The following ZFYVE9 variants were observed in gnomAD, a reference collection of about 807,000 sequenced individuals.
ZFYVE9 encodes the protein zinc finger FYVE-type containing 9.
ZFYVE9 carries 43 observed loss-of-function variants against 126.7 expected under a neutral mutation model. The ratio of observed to expected loss-of-function variants is 0.34; its 90% confidence interval spans 0.27 to 0.44. The LOEUF (loss-of-function observed/expected upper bound fraction) is 0.44, where lower values mean the gene tolerates loss of function less well. Among genes scored for constraint, ZFYVE9 ranks in the 20% least tolerant of loss-of-function variants. ZFYVE9 has a pLI of 1.00. For synonymous variants in ZFYVE9, 521 were observed against 597.4 expected (o/e 0.87, Z 1.87); for missense variants, 1,476 against 1,697.0 (o/e 0.87, Z 2.29).
intron 3 of ZFYVE9, among the ~76,000 whole-genome samples, chr1:52,235,755 A>G (rs1645267725): frequency 6.6e-6 from 1 of 152,102 alleles, no homozygotes; most frequent in Non-Finnish European, 1.5e-5. Flanking sequence ...TTCCAAACTT[A>G]CATAAAACTG....
intron 1 of ZFYVE9, among the ~76,000 whole-genome samples, chr1:52,163,531 C>G (rs1349444697): frequency 3.9e-5 from 6 of 152,128 alleles, no homozygotes; most frequent in Admixed American, 1.3e-4. Context: ...TAGTTTAGGT[C>G]TGTTAGAGAT....
intron 4 of ZFYVE9, among the ~76,000 whole-genome samples, chr1:52,244,618 T>G (rs1474417516): frequency 2.6e-5 from 4 of 152,198 alleles, no homozygotes; most frequent in Admixed American, 2.6e-4. Flanking sequence ...TGAATTGAAA[T>G]TTCAAGAGCC....
In ZFYVE9 at chr1:52,245,510, A is replaced by T. The variant is rs374279706; in HGVS notation, c.2178+5915A>T. 3.9e-5 allele frequency among the ~76,000 whole-genome samples: 6 copies of T among 152,288 alleles called. No homozygotes were observed. In the East Asian group the frequency reaches 1.2e-3, roughly 29 times the overall value. ...ACAGACTTTATTTAATACACATAAC[A>T]ACCCTATGAAGTAGCTAGCTACTGT... On this transcript the variant is annotated intron_variant, in intron 4 of 18. Coordinates refer to ENST00000287727, the MANE Select transcript of ZFYVE9 (RefSeq NM_004799.4).
chr1:52,165,076 A>G (rs1009576111), intron 1 of ZFYVE9, among the ~76,000 whole-genome samples: 1 of 152,200 alleles, frequency 6.6e-6, no homozygotes, highest in African/African-American at 2.4e-5. Flanking sequence ...AAAAATAGCT[A>G]AAATGGTAAA....
At chr1:52,306,594 G>T (rs1646087716) in intron 13 of ZFYVE9, among the ~76,000 whole-genome samples, 1 of 152,364 alleles carries the variant, frequency 6.6e-6, no homozygotes, top group Middle Eastern at 3.4e-3. Flanking sequence ...CATGCCCCTT[G>T]CTTGCCACAT....
chr1:52,181,981 C>T (rs1465107563), intron 1 of ZFYVE9, among the ~76,000 whole-genome samples: 5 of 151,736 alleles, frequency 3.3e-5, no homozygotes, highest in African/African-American at 1.2e-4. Flanking sequence ...GCCAGCCGCC[C>T]CGTCCCGGAG....
chr1:52,214,853 A>G (rs1000510935), intron 1 of ZFYVE9, among the ~76,000 whole-genome samples: 3 of 152,146 alleles, frequency 2.0e-5, no homozygotes, highest in Non-Finnish European at 2.9e-5. Context: ...TCCCAGCTCA[A>G]CCAATCAGAG....
At chr1:52,292,469 C>CTT (rs1159852399) in intron 10 of ZFYVE9, among the ~76,000 whole-genome samples, 1,973 of 101,908 alleles carry the variant, frequency 0.019, 72 homozygotes, top group East Asian at 0.13. Context: ...CTGAACATTT[C>CTT]TTTTTTTTTT....
At chr1:52,166,586 G>A (rs530424125) in intron 1 of ZFYVE9, among the ~76,000 whole-genome samples, 1 of 152,128 alleles carries the variant, frequency 6.6e-6, no homozygotes, top group East Asian at 1.9e-4. Flanking sequence ...TTTATTGTTT[G>A]CTTATATATA....
chr1:52,230,677 AG>A (rs1203590154), intron 2 of ZFYVE9, among the ~76,000 whole-genome samples: 3 of 152,012 alleles, frequency 2.0e-5, no homozygotes, highest in Non-Finnish European at 2.9e-5. Flanking sequence ...TCCCCTTATA[AG>A]GGGAGCCATC....
chr1:52,335,946 C>T (rs1163584726), intron 15 of ZFYVE9, among the ~76,000 whole-genome samples: 3 of 152,132 alleles, frequency 2.0e-5, no homozygotes, highest in East Asian at 1.9e-4. Context: ...CCAGCCTGGC[C>T]GACATGGTGA....
At chr1:52,288,869 T>C (rs111869540) in intron 10 of ZFYVE9, among the ~76,000 whole-genome samples, 1,950 of 138,932 alleles carry the variant, frequency 0.014, 19 homozygotes, top group Middle Eastern at 0.024. Context: ...GAGGTTTCAG[T>C]GAGCTGGGAT....
chr1:52,303,314 T>C (rs1646052782), intron 12 of ZFYVE9, among the ~76,000 whole-genome samples: 1 of 152,204 alleles, frequency 6.6e-6, no homozygotes, highest in Non-Finnish European at 1.5e-5. Flanking sequence ...ACCTATGAAA[T>C]CTAGCCATTT....
intron 13 of ZFYVE9, among the ~76,000 whole-genome samples, chr1:52,326,693 C>CAAAAAAAAA (rs34479038): frequency 2.9e-5 from 3 of 102,958 alleles, no homozygotes; most frequent in Non-Finnish European, 1.8e-5. Context: ...TACTCAATAC[C>CAAAAAAAAA]AAAAAAAAAA....
intron 1 of ZFYVE9, among the ~76,000 whole-genome samples, chr1:52,151,497 G>A (rs11205935): frequency 0.054 from 8,166 of 151,212 alleles, 595 homozygotes; most frequent in African/African-American, 0.16. Context: ...CTGTGTCTAT[G>A]TGTGTGTGTA....
chr1:52,208,126 G>T (rs1395828465), intron 1 of ZFYVE9, among the ~76,000 whole-genome samples: 1 of 152,094 alleles, frequency 6.6e-6, no homozygotes, highest in Admixed American at 6.5e-5. Context: ...TTCCAGACAA[G>T]CCTGGGCAAC....
At chr1:52,201,126 CTT>C (rs1303517610) in intron 1 of ZFYVE9, among the ~76,000 whole-genome samples, 1 of 152,062 alleles carries the variant, frequency 6.6e-6, no homozygotes, top group African/African-American at 2.4e-5. Flanking sequence ...CATGGAATAT[CTT>C]TTCATTTATT....
chr1:52,290,516 GA>G (rs1221270213), intron 10 of ZFYVE9, among the ~76,000 whole-genome samples: 1 of 152,086 alleles, frequency 6.6e-6, no homozygotes, highest in Non-Finnish European at 1.5e-5. Context: ...GCTAGATAAA[GA>G]GATGAAAAAA....
intron 4 of ZFYVE9, among the ~76,000 whole-genome samples, chr1:52,242,985 ATTGTCT>A (rs745320906): frequency 6.6e-5 from 10 of 152,162 alleles, no homozygotes; most frequent in African/African-American, 1.4e-4. Context: ...ATCATGCAGT[ATTGTCT>A]TTGTCTTTGT....
Sources: gnomAD v4.1 joint callset for allele counts (sites outside exome capture counted in the v4.1 genomes callset) on GRCh38, gnomAD v4.1.1 for gene constraint, MANE v1.5 for transcripts, NCBI Gene and HGNC (gene_info 2026-07-23, HGNC 2026-07-21) for gene names.